Variants in EPHA6 observed in about 807,000 individuals in gnomAD.
The protein encoded by EPHA6 is EPH receptor A6, also known as ephrin type-A receptor 6.
A neutral mutation model predicts 112.0 loss-of-function variants in EPHA6; 50 were observed. That is an observed-to-expected ratio of 0.45 (90% CI 0.36 to 0.56). The LOEUF is 0.56. EPHA6 is among the 20% of genes least tolerant of loss of function. The pLI is 0.00. For synonymous variants in EPHA6, 529 were observed against 490.7 expected, an observed-to-expected ratio of 1.08 and a Z score of -1.03; for missense variants, 1,280 against 1,417.4, an observed-to-expected ratio of 0.90 and a Z score of 1.56.
Position 96,987,876 on chromosome 3 carries a change from A to G in EPHA6, c.997A>G (p.Ser333Gly), listed in dbSNP as rs2043079515. ...LVEVRGSCVKSAEERDTPKLY... is the reference protein window; with the variant it reads ...LVEVRGSCVKGAEERDTPKLY... ...TGAAGTACGGGGTTCTTGTGTGAAG[A>G]GTGCTGAAGAGCGTGACACTCCTAA... The change falls in exon 3 of 18, where the codon AGT (serine) becomes GGT (glycine). Residue 333 changes from serine (S) to glycine (G), a missense_variant. By Grantham distance (56) the Ser-to-Gly change is moderately conservative. Around this residue, in one of 4 missense-constraint regions of EPHA6, gnomAD observed 878 missense variants for 999.7 expected, o/e 0.88. Transcript: ENST00000389672. 6.2e-7 allele frequency: 1 copy of G among 1,613,746 alleles called. No homozygotes were observed. Among genetic ancestry groups the G allele is most frequent in the South Asian group, 1.1e-5 (1 of 91,088 alleles).
chr3:97,037,858 T>C (rs965437020), intron 3 of EPHA6, among the ~76,000 whole-genome samples: 1 of 152,004 alleles, frequency 6.6e-6, no homozygotes, highest in African/African-American at 2.4e-5. Context: ...CATTGAATGT[T>C]GGGTAAGAGG....
chr3:97,644,896 C>T (rs1212076816), intron 14 of EPHA6, among the ~76,000 whole-genome samples: 1 of 152,122 alleles, frequency 6.6e-6, no homozygotes. Flanking sequence ...TGAAACTATT[C>T]CAATCAGTAA....
intron 14 of EPHA6, among the ~76,000 whole-genome samples, chr3:97,658,377 GA>G (rs1377183501): frequency 6.6e-6 from 1 of 151,706 alleles, no homozygotes; most frequent in Non-Finnish European, 1.5e-5. Flanking sequence ...GGCACTTACT[GA>G]AGACCTTAAA....
intron 11 of EPHA6, among the ~76,000 whole-genome samples, chr3:97,535,030 C>G (rs1223431636): frequency 6.9e-6 from 1 of 145,304 alleles, no homozygotes; most frequent in Non-Finnish European, 1.5e-5. Context: ...AATTACACAT[C>G]TATCCTTTCT....
chr3:97,179,364 C>T (rs2076921835), intron 3 of EPHA6, among the ~76,000 whole-genome samples: 1 of 152,016 alleles, frequency 6.6e-6, no homozygotes, highest in Non-Finnish European at 1.5e-5. Context: ...CTATTTCTCT[C>T]AGGTGCCTTA....
intron 14 of EPHA6, among the ~76,000 whole-genome samples, chr3:97,642,241 A>G (rs1457601205): frequency 1.1e-5 from 1 of 94,664 alleles, no homozygotes; most frequent in Non-Finnish European, 2.2e-5. Context: ...TGTCTGTTAG[A>G]AGGAAAACTA....
At chr3:96,916,999 T>C (rs2039514153) in intron 2 of EPHA6, among the ~76,000 whole-genome samples, 1 of 152,194 alleles carries the variant, frequency 6.6e-6, no homozygotes, top group Non-Finnish European at 1.5e-5. Flanking sequence ...GCTGTAGTTT[T>C]CTAATTGCAG....
At chr3:97,045,732 T>G (rs1183656162) in intron 3 of EPHA6, among the ~76,000 whole-genome samples, 2 of 152,086 alleles carry the variant, frequency 1.3e-5, no homozygotes, top group Non-Finnish European at 2.9e-5. Flanking sequence ...ACTTTGTACG[T>G]TTTTTGAAAA....
intron 3 of EPHA6, among the ~76,000 whole-genome samples, chr3:97,051,663 A>G (rs2045689493): frequency 6.6e-6 from 1 of 152,110 alleles, no homozygotes; most frequent in African/African-American, 2.4e-5. Context: ...GTTACATGAT[A>G]AGTGTTGCAG....
At chr3:97,391,082 T>C (rs2086368166) in intron 5 of EPHA6, among the ~76,000 whole-genome samples, 1 of 152,022 alleles carries the variant, frequency 6.6e-6, no homozygotes, top group Admixed American at 6.6e-5. Flanking sequence ...AAATAACCTT[T>C]CCTTTATTTT....
chr3:97,730,064 C>A (rs538986433), intron 15 of EPHA6, among the ~76,000 whole-genome samples: 1 of 152,222 alleles, frequency 6.6e-6, no homozygotes, highest in South Asian at 2.1e-4. Context: ...AGATACCTAG[C>A]AGCCTTATAA....
At chr3:96,906,997 A>T (rs953122193) in intron 2 of EPHA6, among the ~76,000 whole-genome samples, 2 of 151,898 alleles carry the variant, frequency 1.3e-5, no homozygotes, top group African/African-American at 4.8e-5. Flanking sequence ...TTCTAAGGAG[A>T]TATTAATGGA....
chr3:96,993,022 A>G (rs1217361663), intron 3 of EPHA6, among the ~76,000 whole-genome samples: 1 of 152,182 alleles, frequency 6.6e-6, no homozygotes, highest in Non-Finnish European at 1.5e-5. Flanking sequence ...CTGAGTAGTT[A>G]AAAGTGCAGC....
chr3:96,880,861 T>C (rs564553390), intron 2 of EPHA6, among the ~76,000 whole-genome samples: 15 of 152,296 alleles, frequency 9.8e-5, no homozygotes, highest in African/African-American at 3.4e-4. Flanking sequence ...TGTCAGTACT[T>C]CCTTTTTATA....
At chr3:97,203,996 A>G (rs1321845916) in intron 3 of EPHA6, among the ~76,000 whole-genome samples, 2 of 151,914 alleles carry the variant, frequency 1.3e-5, no homozygotes, top group African/African-American at 4.8e-5. Context: ...TAATAAATGA[A>G]AAAAAAAGAA....
At chr3:97,647,975 T>A (rs927746896) in intron 14 of EPHA6, among the ~76,000 whole-genome samples, 1 of 152,176 alleles carries the variant, frequency 6.6e-6, no homozygotes, top group South Asian at 2.1e-4. Context: ...ATTTAAAATA[T>A]AATGGCAGTA....
intron 14 of EPHA6, among the ~76,000 whole-genome samples, chr3:97,705,682 C>T (rs908476527): frequency 4.0e-5 from 6 of 151,798 alleles, no homozygotes; most frequent in Admixed American, 6.6e-5. Context: ...GATCAAGAAG[C>T]GTATAGATTA....
intron 3 of EPHA6, among the ~76,000 whole-genome samples, chr3:97,031,820 G>C (rs1294988749): frequency 6.6e-6 from 1 of 152,130 alleles, no homozygotes; most frequent in Non-Finnish European, 1.5e-5. Flanking sequence ...AGGATGTGGA[G>C]AAATAGGAAC....
chr3:97,118,251 G>T (rs904114419), intron 3 of EPHA6, among the ~76,000 whole-genome samples: 2 of 151,514 alleles, frequency 1.3e-5, no homozygotes, highest in African/African-American at 4.8e-5. Context: ...TAATCTGTGT[G>T]CATGTTACCA....
Sources: allele counts gnomAD v4.1 joint callset (sites outside exome capture counted in the v4.1 genomes callset), GRCh38; gene constraint gnomAD v4.1.1; regional missense constraint gnomAD v4.1.1; transcripts MANE v1.5; gene names NCBI Gene and HGNC (gene_info 2026-07-23, HGNC 2026-07-21).